Variants in PREP observed in about 807,000 individuals in gnomAD.
The protein encoded by PREP is prolyl endopeptidase.
PREP carries 29 observed loss-of-function variants against 87.6 expected under a neutral mutation model. That is an observed-to-expected ratio of 0.33 (90% CI 0.25 to 0.45). PREP has a LOEUF of 0.45. PREP is among the 20% of genes least tolerant of loss of function. The pLI is 1.00. For synonymous variants in PREP, 337 were observed against 328.6 expected (o/e 1.03, Z -0.28); for missense variants, 695 against 886.5 (o/e 0.78, Z 2.74).
At chr6:105,346,709 GGTT>G (rs1304241768) in intron 7 of PREP, among the ~76,000 whole-genome samples, 1 of 152,202 alleles carries the variant, frequency 6.6e-6, no homozygotes, top group East Asian at 1.9e-4. Context: ...TATTGAAGGA[GGTT>G]GTTAAGTTAC....
intron 7 of PREP, among the ~76,000 whole-genome samples, chr6:105,344,690 G>A (rs1005727122): frequency 3.1e-4 from 47 of 151,714 alleles, no homozygotes; most frequent in African/African-American, 1.1e-3. Flanking sequence ...TGGGGTGGGG[G>A]AGGCGGGAGG....
At chr6:105,402,234 G>A (rs1405703932) in intron 1 of PREP, among the ~76,000 whole-genome samples, 1 of 152,038 alleles carries the variant, frequency 6.6e-6, no homozygotes, top group African/African-American at 2.4e-5. Context: ...CACACTATGG[G>A]GTCACTGCTC....
chr6:105,373,389 T>C lies in PREP; in HGVS notation c.575A>G (p.Gln192Arg), dbSNP rs1297231521. 4 of 1,614,058 alleles carry C rather than the reference T, an allele frequency of 2.5e-6. No individual in the cohort carries two copies. The highest frequency in any genetic ancestry group is 3.4e-6 in the Non-Finnish European group (4 of 1,179,996). The change falls in exon 5 of 15, where the codon CAA becomes CGA. Residue 192 changes from glutamine (Q) to arginine (R), a missense_variant. Physicochemically the swap from Gln to Arg is conservative, Grantham distance 43. Transcript: ENST00000652536. ...GKGMFYNSYP[Q>R]QDGKSDGTET... ...CTCACCATCACTTTTTCCATCCTGT[T>C]GAGGGTATGAGTTGTAGAACATTCC...
chr6:105,338,845 C>T (rs1462412175), intron 7 of PREP, among the ~76,000 whole-genome samples: 1 of 152,226 alleles, frequency 6.6e-6, no homozygotes, highest in East Asian at 1.9e-4. Context: ...GGGGAAGGGG[C>T]ATCCGCCATG....
chr6:105,284,419 C>G (rs1204518474), intron 12 of PREP, among the ~76,000 whole-genome samples: 3 of 152,114 alleles, frequency 2.0e-5, no homozygotes, highest in African/African-American at 7.2e-5. Flanking sequence ...CTCATGTTCG[C>G]TGATTTGATT....
At chr6:105,342,996 T>C (rs1311514785) in intron 7 of PREP, among the ~76,000 whole-genome samples, 1 of 152,162 alleles carries the variant, frequency 6.6e-6, no homozygotes, top group Non-Finnish European at 1.5e-5. Flanking sequence ...AAGCTACCAA[T>C]GACTTTCTTC....
At chr6:105,312,630 G>C (rs760475296) in intron 10 of PREP, among the ~76,000 whole-genome samples, 1 of 152,218 alleles carries the variant, frequency 6.6e-6, no homozygotes, top group East Asian at 1.9e-4. Context: ...AAGAACATGA[G>C]CACACATCCA....
chr6:105,391,250 T>G (rs1480706811), intron 2 of PREP, among the ~76,000 whole-genome samples: 1 of 151,870 alleles, frequency 6.6e-6, no homozygotes, highest in Non-Finnish European at 1.5e-5. Flanking sequence ...GGCATCGTGG[T>G]GGGCGCCTGT....
In PREP at chr6:105,288,894, T is replaced by C. The variant is rs1461958323; in HGVS notation, c.1318A>G (p.Ile440Val). ...GTACCATCCTTGCTAGGGTAGAAAA[T>C]CTAGAATATAAGAAAGCAGAATATA... ...IDASDYQTVQ[I>V]FYPSKDGTKI... Residue 440 changes from isoleucine (I) to valine (V), a missense_variant and splice_region_variant, in exon 11 of 15, where the codon ATT becomes GTT. Around this residue, in one of 5 missense-constraint regions of PREP, gnomAD observed 517 missense variants for 620.3 expected, o/e 0.83. Transcript: ENST00000652536. The C allele has an allele frequency of 2.5e-6, 4 of 1,611,506 alleles. No individual in the cohort carries two copies. The highest frequency in any genetic ancestry group is 3.4e-6 in the Non-Finnish European group (4 of 1,177,858).
In PREP at chr6:105,402,964, C is replaced by T. The variant is rs1278055650; in HGVS notation, c.-73G>A. On this transcript the variant is annotated 5_prime_UTR_variant, in exon 1 of 15. Transcript: ENST00000652536. ...GCGGACCTGAGCTAGCCGGGCTGGC[C>T]GCGAGGCGCGGCTGGGGCGCAGGCA... 1.0e-5 allele frequency: 9 copies of T among 862,690 alleles called. No individual in the cohort carries two copies. Among genetic ancestry groups the T allele is most frequent in the Middle Eastern group, 5.1e-4 (2 of 3,910 alleles). The allele number at this position is 862,690 out of a possible 1,614,324, so 53.4% of individuals were successfully genotyped here.
At chr6:105,399,952 G>A (rs981323758) in intron 1 of PREP, among the ~76,000 whole-genome samples, 17 of 152,264 alleles carry the variant, frequency 1.1e-4, no homozygotes, top group African/African-American at 3.6e-4. Flanking sequence ...CTAAATTCAG[G>A]CATATCTAGA....
At position 105,340,713 on chromosome 6, in the gene PREP, G is replaced by C. The variant is rs367950478; in HGVS notation, c.824-7208C>G. ...TGGAGGAAGATCTACCAAGCAAATG[G>C]AAAACAAAAAAAGCAGGGTTGCAAT... On this transcript the variant is annotated intron_variant, in intron 7 of 14. Transcript: ENST00000652536. Among the ~76,000 whole-genome samples, 8 of 151,844 alleles carry C rather than the reference G, an allele frequency of 5.3e-5. No homozygotes were observed. The East Asian group carries it at 1.4e-3, about 26-fold the overall frequency.
At chr6:105,394,088 T>G (rs1773230249) in intron 2 of PREP, among the ~76,000 whole-genome samples, 1 of 152,172 alleles carries the variant, frequency 6.6e-6, no homozygotes, top group Admixed American at 6.5e-5. Flanking sequence ...GTAAATATAG[T>G]TGTAAGGAAC....
At chr6:105,356,021 T>A (rs1441803997) in intron 6 of PREP, among the ~76,000 whole-genome samples, 2 of 152,132 alleles carry the variant, frequency 1.3e-5, no homozygotes, top group African/African-American at 4.8e-5. Flanking sequence ...ATGTTAATTC[T>A]ACTCTCTGTT....
Position 105,377,425 on chromosome 6 carries a change from T to C in PREP, c.215A>G (p.Asp72Gly). Residue 72 changes from aspartate (D) to glycine (G), a missense_variant, in exon 3 of 15, where the codon GAT (aspartate) becomes GGT (glycine). Physicochemically the swap from Asp to Gly is moderately conservative, Grantham distance 94. This residue lies in a region of PREP where 517 missense variants were observed against 620.3 expected (regional missense o/e 0.83). Transcript: ENST00000652536. ...LYKERMTELY[D>G]YPKYSCHFKK... ...GAAGTGGCAACTATACTTGGGATAA[T>C]CATATAGTTCAGTCATTCTCTCTTT... 1 of 1,613,318 alleles carries C rather than the reference T, an allele frequency of 6.2e-7. No individual in the cohort carries two copies. Among genetic ancestry groups the C allele is most frequent in the Non-Finnish European group, 8.5e-7 (1 of 1,179,452 alleles).
intron 10 of PREP, among the ~76,000 whole-genome samples, chr6:105,311,731 C>T (rs1770764925): frequency 6.6e-6 from 1 of 152,182 alleles, no homozygotes; most frequent in Admixed American, 6.5e-5. Context: ...TCAATAAAAA[C>T]AAACTGACGG....
chr6:105,344,206 T>A (rs1355987555), intron 7 of PREP, among the ~76,000 whole-genome samples: 1 of 151,998 alleles, frequency 6.6e-6, no homozygotes, highest in Admixed American at 6.6e-5. Flanking sequence ...AAGGGATGAG[T>A]TCGGCTGGGC....
At chr6:105,402,728 G>A in intron 1 of PREP, 119 bp downstream of exon 1, 4 of 929,262 alleles carry the variant, frequency 4.3e-6, no homozygotes, top group African/African-American at 1.7e-5. Context: ...AAAGGCCGAG[G>A]GGGAGGGGAG....
chr6:105,346,635 TA>T (rs1246756441), intron 7 of PREP, among the ~76,000 whole-genome samples: 1 of 152,200 alleles, frequency 6.6e-6, no homozygotes, highest in African/African-American at 2.4e-5. Context: ...CTTTTCTCCC[TA>T]AACTCCTCAT....
Sources: allele counts gnomAD v4.1 joint callset (sites outside exome capture counted in the v4.1 genomes callset), GRCh38; gene constraint gnomAD v4.1.1; regional missense constraint gnomAD v4.1.1; transcripts MANE v1.5; gene names NCBI Gene and HGNC (gene_info 2026-07-23, HGNC 2026-07-21).